Variants in VOPP1 observed in about 807,000 individuals in gnomAD.
VOPP1 encodes WW domain binding protein VOPP1.
A neutral mutation model predicts 23.5 loss-of-function variants in VOPP1; 8 were observed. The observed-to-expected ratio is 0.34, with a 90% CI of 0.20 to 0.61. VOPP1 has a LOEUF of 0.61. Ranked by LOEUF, VOPP1 falls within the 20% of genes least tolerant of loss-of-function variation. The probability of loss-of-function intolerance (pLI) is 0.78; values close to 1 mark genes in which losing one functional copy is unlikely to be tolerated. For missense variants in VOPP1, 174 were observed against 238.1 expected, an observed-to-expected ratio of 0.73 and a Z score of 1.77; for synonymous variants, 83 against 97.3, an observed-to-expected ratio of 0.85 and a Z score of 0.86.
chr7:55,572,259 C>A lies in VOPP1; in HGVS notation c.54+12G>T. 1.3e-6 allele frequency: 2 copies of A among 1,523,396 alleles called. No homozygotes were observed. The highest frequency in any genetic ancestry group is 2.7e-5 in the East Asian group (1 of 37,228). 94.4% of individuals were successfully genotyped at this position (1,523,396 alleles called of 1,614,324 possible). A position where few individuals can be genotyped will look rare whatever the true frequency, so the allele number is the denominator to read the frequency against. ...GCCGCGCCTCCGGCAGCACCCGGTC[C>A]CCGGCCCCTACCTCCAAGAGCAGCC... On this transcript the variant is annotated intron_variant, in intron 1 of 4. Transcript: ENST00000285279.
intron 1 of VOPP1, among the ~76,000 whole-genome samples, chr7:55,561,565 T>C (rs924561614): frequency 6.6e-6 from 1 of 151,092 alleles, no homozygotes; most frequent in Non-Finnish European, 1.5e-5. Flanking sequence ...AAAAATTAAG[T>C]GGGCGTGCTG....
chr7:55,444,706 G>A (rs924952621), intron 4 of VOPP1, among the ~76,000 whole-genome samples: 9 of 116,368 alleles, frequency 7.7e-5, no homozygotes, highest in South Asian at 6.0e-4. Context: ...TGCCAGCTTC[G>A]TAGAAACTCT....
intron 3 of VOPP1, among the ~76,000 whole-genome samples, chr7:55,495,939 G>C (rs544348329): frequency 8.5e-5 from 13 of 152,314 alleles, no homozygotes; most frequent in East Asian, 3.9e-4. Context: ...ACTTGTGGGA[G>C]CTTCTCCAAA....
At chr7:55,491,314 G>C (rs560951035) in intron 4 of VOPP1, among the ~76,000 whole-genome samples, 19 of 152,318 alleles carry the variant, frequency 1.2e-4, no homozygotes, top group Non-Finnish European at 2.2e-4. Context: ...CTGTACAATA[G>C]ATCTCTAGGA....
rs58601889 is a variant in VOPP1, at chr7:55,529,364, CAAAAAAAAAAAAA to C, written c.55-8247_55-8235del. On this transcript the variant is annotated intron_variant, in intron 1 of 4. Transcript: ENST00000285279. Reference sequence around the variant, plus strand: ...TGGGTGACAGAGCAAGATTCCGTCTCAAAAAAAAAAAAAAAAAAAAAAAAAGAGTCCTCAATGA... The same window carrying C: ...TGGGTGACAGAGCAAGATTCCGTCTCAAAAAAAAAAAAGAGTCCTCAATGA... 3.4e-3 allele frequency among the ~76,000 whole-genome samples: 369 copies of C among 107,498 alleles called. 4 individuals are homozygous for C. Among genetic ancestry groups the C allele is most frequent in the African/African-American group, 0.015 (346 of 23,500 alleles). 70.5% of individuals were successfully genotyped at this position (107,498 alleles called of 152,430 possible).
chr7:55,442,223 G>A (rs1378050275), intron 4 of VOPP1, among the ~76,000 whole-genome samples: 1 of 152,116 alleles, frequency 6.6e-6, no homozygotes, highest in African/African-American at 2.4e-5. Flanking sequence ...GAGAGTTGCG[G>A]GGCAGAGGTT....
chr7:55,495,530 C>T (rs1289528012), intron 3 of VOPP1, among the ~76,000 whole-genome samples: 1 of 152,186 alleles, frequency 6.6e-6, no homozygotes, highest in East Asian at 1.9e-4. Flanking sequence ...TCCCTCTGCC[C>T]CAAACGCCCT....
downstream of VOPP1, among the ~76,000 whole-genome samples, chr7:55,435,588 G>A (rs1048400251): frequency 1.3e-5 from 2 of 152,200 alleles, no homozygotes; most frequent in Non-Finnish European, 2.9e-5. Flanking sequence ...AGCCCCGAGT[G>A]AGCCGGCCAG....
At chr7:55,567,727 C>A (rs955094491) in intron 1 of VOPP1, among the ~76,000 whole-genome samples, 11 of 152,216 alleles carry the variant, frequency 7.2e-5, no homozygotes, top group Admixed American at 2.0e-4. Flanking sequence ...CCACTTCTCA[C>A]CCATGACCAC....
chr7:55,477,805 C>A (rs533195639), intron 4 of VOPP1, among the ~76,000 whole-genome samples: 8 of 152,152 alleles, frequency 5.3e-5, no homozygotes, highest in Middle Eastern at 3.4e-3. Context: ...GAACATGAAC[C>A]CTTAGGTTAA....
At chr7:55,485,973 G>A (rs895623299) in intron 4 of VOPP1, among the ~76,000 whole-genome samples, 7 of 152,250 alleles carry the variant, frequency 4.6e-5, no homozygotes, top group African/African-American at 1.7e-4. Context: ...CCAGCGAGGC[G>A]GGCGGGGGAC....
At chr7:55,557,445 T>A (rs564088703) in intron 1 of VOPP1, among the ~76,000 whole-genome samples, 5 of 150,060 alleles carry the variant, frequency 3.3e-5, no homozygotes, top group Admixed American at 3.3e-4. Flanking sequence ...AAAAAAATAC[T>A]CAAACATAAG....
Position 55,470,752 on chromosome 7 carries a change from C to T in VOPP1, c.*2103G>A, listed in dbSNP as rs576289191. ...AGTTTACTCTGAACCACGGACGCTC[C>T]GGGAATTCTACACACCAGGAGCTGT... On this transcript the variant is annotated 3_prime_UTR_variant, in exon 5 of 5. Transcript: ENST00000285279. The T allele has an allele frequency of 4.5e-4, 69 of 152,350 alleles. No individual in the cohort carries two copies. The highest frequency in any genetic ancestry group is 1.6e-3 in the African/African-American group (66 of 41,524). 9.4% of individuals were successfully genotyped at this position (152,350 alleles called of 1,614,324 possible). A position where few individuals can be genotyped will look rare whatever the true frequency, so the allele number is the denominator to read the frequency against.
At chr7:55,553,241 T>C (rs1327566042) in intron 1 of VOPP1, among the ~76,000 whole-genome samples, 3 of 152,226 alleles carry the variant, frequency 2.0e-5, no homozygotes, top group Non-Finnish European at 4.4e-5. Context: ...CAGGCTATTT[T>C]TATATTTTAG....
chr7:55,483,399 T>C (rs1460795542), intron 4 of VOPP1, among the ~76,000 whole-genome samples: 18 of 152,120 alleles, frequency 1.2e-4, no homozygotes, highest in Non-Finnish European at 2.1e-4. Flanking sequence ...TCATCCCTCA[T>C]TACAGAGGGG....
intron 4 of VOPP1, among the ~76,000 whole-genome samples, chr7:55,449,010 CAG>C (rs1791173255): frequency 6.6e-6 from 1 of 152,206 alleles, no homozygotes; most frequent in Admixed American, 6.5e-5. Flanking sequence ...TGGAGTAAAA[CAG>C]AGACTCCCGT....
At chr7:55,462,094 C>T (rs1020600399) in intron 4 of VOPP1, among the ~76,000 whole-genome samples, 2 of 152,172 alleles carry the variant, frequency 1.3e-5, no homozygotes, top group African/African-American at 2.4e-5. Flanking sequence ...TTTTGAAGGA[C>T]AACTTTGCCG....
At chr7:55,571,863 C>T in intron 1 of VOPP1, 1 of 170,344 alleles carries the variant, frequency 5.9e-6, no homozygotes, top group South Asian at 1.6e-4. Context: ...CCAAACTGCC[C>T]GGCGCCCCGG....
rs1346215826 is a variant in VOPP1, at chr7:55,441,481, C to A, written n.418-5307G>T. On this transcript the variant is annotated intron_variant and non_coding_transcript_variant, in intron 4 of 4. Coordinates refer to the VOPP1 transcript ENST00000462326. ...GCAAGAGTGGTCTCTGGCATTAGAC[C>A]CTCTGGGTTCCAATCTGGGCTTTGC... is the stretch of plus-strand genomic sequence containing the variant. Among the ~76,000 whole-genome samples the A allele has an allele frequency of 4.6e-5, 7 of 152,134 alleles. 1 individual carries two copies. Among genetic ancestry groups the A allele is most frequent in the Non-Finnish European group, 1.0e-4 (7 of 68,018 alleles).
Sources: allele counts gnomAD v4.1 joint callset (sites outside exome capture counted in the v4.1 genomes callset), GRCh38; gene constraint gnomAD v4.1.1; transcripts MANE v1.5; gene names NCBI Gene and HGNC (gene_info 2026-07-23, HGNC 2026-07-21).